RBFOX1: variants seen among roughly 807,000 people sequenced by gnomAD.
The protein encoded by RBFOX1 is RNA binding protein fox-1 homolog 1.
A neutral mutation model predicts 57.7 loss-of-function variants in RBFOX1; 8 were observed. That is an observed-to-expected ratio of 0.14 (90% CI 0.08 to 0.25). The LOEUF is 0.25. RBFOX1 is among the 10% of genes least tolerant of loss of function. The probability of loss-of-function intolerance (pLI) is 1.00; values close to 1 mark genes in which losing one functional copy is unlikely to be tolerated. For synonymous variants in RBFOX1, 326 were observed against 222.4 expected (o/e 1.47, Z -4.15); for missense variants, 611 against 548.5 (o/e 1.11, Z -1.14).
At chr16:6,918,466 A>T (rs1484778763) in intron 3 of RBFOX1, among the ~76,000 whole-genome samples, 2 of 152,146 alleles carry the variant, frequency 1.3e-5, no homozygotes, top group East Asian at 1.9e-4. Flanking sequence ...AACCATCTTA[A>T]ATCCAATCAA....
At chr16:7,219,830 G>C (rs1444247737) in intron 4 of RBFOX1, among the ~76,000 whole-genome samples, 3 of 152,236 alleles carry the variant, frequency 2.0e-5, no homozygotes, top group Non-Finnish European at 4.4e-5. Flanking sequence ...TTCCACCAAA[G>C]GATTTCCCAT....
At chr16:7,471,030 T>C (rs1178965389) in intron 4 of RBFOX1, among the ~76,000 whole-genome samples, 1 of 152,186 alleles carries the variant, frequency 6.6e-6, no homozygotes, top group Non-Finnish European at 1.5e-5. Flanking sequence ...ATAAAAATAG[T>C]GCACAGACAG....
intron 1 of RBFOX1, among the ~76,000 whole-genome samples, chr16:5,341,044 A>G (rs1335546275): frequency 6.6e-6 from 1 of 152,208 alleles, no homozygotes; most frequent in Non-Finnish European, 1.5e-5. Context: ...TAGGAAGAAG[A>G]GTATTCTAGG....
At chr16:6,700,787 A>G (rs2061702712) in intron 3 of RBFOX1, among the ~76,000 whole-genome samples, 1 of 152,214 alleles carries the variant, frequency 6.6e-6, no homozygotes, top group Non-Finnish European at 1.5e-5. Context: ...TATCTATGGC[A>G]TATCCCAGCA....
At chr16:5,863,037 T>C (rs775737850) in intron 3 of RBFOX1, among the ~76,000 whole-genome samples, 3 of 152,040 alleles carry the variant, frequency 2.0e-5, no homozygotes, top group Non-Finnish European at 4.4e-5. Context: ...CCTGCCTGGG[T>C]CTCAAAGGCA....
At chr16:6,060,146 T>G (rs1188027949) in intron 1 of RBFOX1, among the ~76,000 whole-genome samples, 1 of 79,926 alleles carries the variant, frequency 1.3e-5, no homozygotes, top group African/African-American at 4.0e-5. Context: ...TTTTTTTTTT[T>G]TTTTTTTTTT....
intron 3 of RBFOX1, among the ~76,000 whole-genome samples, chr16:6,662,734 G>T (rs187976431): frequency 1.6e-4 from 25 of 152,226 alleles, no homozygotes; most frequent in African/African-American, 5.5e-4. Context: ...GCCCCTGACA[G>T]GCAATTCTGG....
rs912734789 is a variant in RBFOX1 at position 5,587,109 on chromosome 16, C to G, written c.259-11793C>G. The stretch of plus-strand genomic sequence containing the variant: ...TGGCCCATTGGTTATGCACCTGAAA[C>G]TGACATGACCAAGATGCTTTAGGAT... On this transcript the variant is annotated intron_variant, in intron 2 of 2. Coordinates refer to the RBFOX1 transcript ENST00000585867. Among the ~76,000 whole-genome samples, 3 of 152,164 alleles carry G rather than the reference C, an allele frequency of 2.0e-5. No homozygotes were observed. The East Asian group carries it at 5.8e-4, about 29-fold the overall frequency.
chr16:5,845,061 CTTT>C (rs34775077), intron 3 of RBFOX1, among the ~76,000 whole-genome samples: 5,733 of 140,166 alleles, frequency 0.041, 150 homozygotes, highest in South Asian at 0.075. Flanking sequence ...ACCCGAGATT[CTTT>C]TTTTTTTTTT....
At chr16:6,051,520 G>T (rs994471170) in intron 1 of RBFOX1, among the ~76,000 whole-genome samples, 1 of 152,044 alleles carries the variant, frequency 6.6e-6, no homozygotes, top group African/African-American at 2.4e-5. Flanking sequence ...GTAGAGGCGG[G>T]GTTTCGCCAT....
chr16:7,664,813 C>T (rs141719602), intron 12 of RBFOX1, 116 bp from the exon 13 acceptor site: 30 of 1,581,076 alleles, frequency 1.9e-5, no homozygotes, highest in Middle Eastern at 1.7e-4. Flanking sequence ...AAACGATCCT[C>T]GGTTCCTGTG....
At chr16:5,411,876 C>A (rs1204920649) in intron 1 of RBFOX1, among the ~76,000 whole-genome samples, 1 of 152,126 alleles carries the variant, frequency 6.6e-6, no homozygotes, top group Admixed American at 6.6e-5. Flanking sequence ...GAGTGAGACC[C>A]TGTCTCAAAG....
At chr16:6,626,660 T>C (rs900987314) in intron 2 of RBFOX1, among the ~76,000 whole-genome samples, 5 of 152,054 alleles carry the variant, frequency 3.3e-5, no homozygotes, top group African/African-American at 1.2e-4. Flanking sequence ...CTCAGGAGGC[T>C]GAGGCAGGAG....
At chr16:5,308,896 A>G (rs1325485248) in intron 1 of RBFOX1, among the ~76,000 whole-genome samples, 6 of 151,988 alleles carry the variant, frequency 3.9e-5, no homozygotes, top group Admixed American at 1.3e-4. Flanking sequence ...TGCTAAATGC[A>G]TTGTGTTTTC....
At chr16:7,366,462 A>G (rs1343457543) in intron 4 of RBFOX1, among the ~76,000 whole-genome samples, 1 of 152,094 alleles carries the variant, frequency 6.6e-6, no homozygotes, top group Admixed American at 6.6e-5. Context: ...TTCTGCCTCC[A>G]GGCTTGTGAA....
In RBFOX1 at chr16:5,867,396, T is replaced by C. The variant is rs2057368228; in HGVS notation, c.351+61T>C. 3.9e-6 allele frequency: 4 copies of C among 1,024,606 alleles called. 1 individual carries two copies. Among genetic ancestry groups the C allele is most frequent in the South Asian group, 1.0e-4 (2 of 20,038 alleles). The allele number at this position is 1,024,606 out of a possible 1,614,324, so 63.5% of individuals were successfully genotyped here. A position where few individuals can be genotyped will look rare whatever the true frequency, so the allele number is the denominator to read the frequency against. On this transcript the variant is annotated intron_variant, in intron 4 of 19. Transcript: ENST00000641259. The stretch of plus-strand genomic sequence containing the variant: ...AGTTTGAAGTGGGTTTCTTTTGTGA[T>C]GGAGTGTAACGAGCATTCTAGCAAT...
chr16:6,110,564 C>G lies in RBFOX1; in HGVS notation c.-127+90572C>G, dbSNP rs550866815. Among the ~76,000 whole-genome samples, 17 of 152,268 alleles carry G rather than the reference C, an allele frequency of 1.1e-4. No individual in the cohort carries two copies. The South Asian group carries it at 3.3e-3, about 30-fold the overall frequency. ...CTGGGCTGTTTCAAAAAACAAAACC[C>G]TCCAATTAAGATGGATCCATGAGAA... On this transcript the variant is annotated intron_variant, in intron 1 of 15. Transcript: ENST00000550418.
chr16:5,932,407 G>A (rs1330492534), intron 4 of RBFOX1, among the ~76,000 whole-genome samples: 1 of 152,142 alleles, frequency 6.6e-6, no homozygotes, highest in African/African-American at 2.4e-5. Context: ...TATTGAGGCA[G>A]ATTTTTCTCC....
chr16:5,673,065 G>A (rs1190890889), intron 3 of RBFOX1, among the ~76,000 whole-genome samples: 3 of 152,070 alleles, frequency 2.0e-5, no homozygotes, highest in Admixed American at 1.3e-4. Flanking sequence ...CGCTTCCAGC[G>A]GTTTGGAAGT....
Sources: gnomAD v4.1 joint callset for allele counts (sites outside exome capture counted in the v4.1 genomes callset) on GRCh38, gnomAD v4.1.1 for gene constraint, MANE v1.5 for transcripts, NCBI Gene and HGNC (gene_info 2026-07-23, HGNC 2026-07-21) for gene names.